Variants in JAGN1 observed in about 807,000 individuals in gnomAD.
JAGN1 encodes the protein protein jagunal homolog 1.
Under a neutral mutation model 17.1 loss-of-function variants are expected in JAGN1, and 13 were observed. That is an observed-to-expected ratio of 0.76 (90% CI 0.49 to 1.21). JAGN1 has a LOEUF of 1.21. JAGN1 is among the 50% of genes most tolerant of loss of function. The pLI, the probability that JAGN1 is intolerant of heterozygous loss-of-function variation, is 0.00. For synonymous variants in JAGN1, 111 were observed against 91.0 expected, an observed-to-expected ratio of 1.22 and a Z score of -1.25; for missense variants, 256 against 234.2, an observed-to-expected ratio of 1.09 and a Z score of -0.61.
chr3:9,892,611 A>G (rs1219925114), intron 1 of JAGN1, among the ~76,000 whole-genome samples: 1 of 152,102 alleles, frequency 6.6e-6, no homozygotes, highest in African/African-American at 2.4e-5. Context: ...CCTGCATGGG[A>G]TGCCCATCTT....
intron 1 of JAGN1, among the ~76,000 whole-genome samples, chr3:9,891,072 G>T (rs532305320): frequency 6.6e-6 from 1 of 152,238 alleles, no homozygotes; most frequent in African/African-American, 2.4e-5. Context: ...GTGGGCTCCC[G>T]AGTCACGTCG....
rs1297627583 is a variant in JAGN1, at chr3:9,893,004, T to C, written c.179T>C (p.Leu60Pro). ...LLVAKMSVGH[L>P]RLLSHDQVAM... ...GTTGCTAAGATGAGCGTGGGACACCTGAGGCTCTTGTCACATGATCAGGTG... is the reference window on the plus strand; with the variant it reads ...GTTGCTAAGATGAGCGTGGGACACCCGAGGCTCTTGTCACATGATCAGGTG... Residue 60 changes from leucine to proline, a missense_variant, in exon 2 of 2, where the codon CTG becomes CCG. Physicochemically the swap from Leu to Pro is moderately conservative, Grantham distance 98 (BLOSUM62 -3). Transcript: ENST00000647897. 6.2e-7 allele frequency: 1 copy of C among 1,614,050 alleles called. No homozygotes were observed. Among genetic ancestry groups the C allele is most frequent in the African/African-American group, 1.3e-5 (1 of 74,920 alleles).
chr3:9,890,649 G>A lies in JAGN1; in HGVS notation c.-74G>A, dbSNP rs892686204. ...GCGCGGCTGCGGGGGCGCAAATAGG[G>A]TCAGTGGGCCGCTTGGCGGTGTCGT... On this transcript the variant is annotated 5_prime_UTR_variant, in exon 1 of 2. Coordinates refer to ENST00000647897, the MANE Select transcript of JAGN1 (RefSeq NM_032492.4). 63 of 1,426,280 alleles carry A rather than the reference G, an allele frequency of 4.4e-5. No individual in the cohort carries two copies. The highest frequency in any genetic ancestry group is 5.2e-5 in the Non-Finnish European group (54 of 1,040,236). 88.4% of individuals were successfully genotyped at this position (1,426,280 alleles called of 1,614,324 possible). A position where few individuals can be genotyped will look rare whatever the true frequency, so the allele number is the denominator to read the frequency against.
Position 9,890,627 on chromosome 3 carries a change from C to A in JAGN1, c.-96C>A, listed in dbSNP as rs910659328. 1 of 1,163,884 alleles carries A rather than the reference C, an allele frequency of 8.6e-7. No homozygotes were observed. Among genetic ancestry groups the A allele is most frequent in the Non-Finnish European group, 1.2e-6 (1 of 819,058 alleles). The allele number at this position is 1,163,884 out of a possible 1,614,324, so 72.1% of individuals were successfully genotyped here. ...CGGAAGTTCTCTTCACGGAGCCGCG[C>A]GGCTGCGGGGGCGCAAATAGGGTCA... On this transcript the variant is annotated 5_prime_UTR_variant, in exon 1 of 2. Coordinates refer to ENST00000647897, the MANE Select transcript of JAGN1 (RefSeq NM_032492.4).
At chr3:9,891,533 C>G (rs1358175439) in intron 1 of JAGN1, among the ~76,000 whole-genome samples, 3 of 151,076 alleles carry the variant, frequency 2.0e-5, no homozygotes, top group African/African-American at 7.3e-5. Context: ...AGCTTGAAGT[C>G]TAGAGATGAC....
chr3:9,892,140 C>T (rs368248966), intron 1 of JAGN1, among the ~76,000 whole-genome samples: 2 of 152,036 alleles, frequency 1.3e-5, no homozygotes, highest in East Asian at 1.9e-4. Flanking sequence ...CTCAGCCTCC[C>T]GAGTAGCTGG....
chr3:9,890,655 G>A lies in JAGN1; in HGVS notation c.-68G>A. 6.8e-7 allele frequency: 1 copy of A among 1,479,396 alleles called. No individual in the cohort carries two copies. The highest frequency in any genetic ancestry group is 9.2e-7 in the Non-Finnish European group (1 of 1,084,754). The allele number at this position is 1,479,396 out of a possible 1,614,324, so 91.6% of individuals were successfully genotyped here. ...CTGCGGGGGCGCAAATAGGGTCAGT[G>A]GGCCGCTTGGCGGTGTCGTTGCGGT... On this transcript the variant is annotated 5_prime_UTR_variant, in exon 1 of 2. Coordinates refer to ENST00000647897, the MANE Select transcript of JAGN1 (RefSeq NM_032492.4).
rs756989255 is a variant in JAGN1 at position 9,893,360 on chromosome 3, GAGA to G, written c.541_543del (p.Lys181del). The G allele has an allele frequency of 9.9e-6, 16 of 1,611,504 alleles. No individual in the cohort carries two copies. The highest frequency in any genetic ancestry group is 2.2e-5 in the South Asian group (2 of 90,854). On this transcript the variant is annotated inframe_deletion, in exon 2 of 2. Coordinates refer to ENST00000647897, the MANE Select transcript of JAGN1 (RefSeq NM_032492.4). ...AGACTCTTGGTTCACCAGCACACAGGAGAAGAAGCATAAATGAAGCCTCTTTGG... is the reference window on the plus strand; with the variant it reads ...AGACTCTTGGTTCACCAGCACACAGGAGAAGCATAAATGAAGCCTCTTTGG...
intron 1 of JAGN1, among the ~76,000 whole-genome samples, chr3:9,891,796 A>G (rs1001781236): frequency 1.3e-5 from 2 of 151,996 alleles, no homozygotes; most frequent in African/African-American, 4.8e-5. Context: ...GCCTTTAGGG[A>G]TATGAGGAGG....
In JAGN1 at chr3:9,893,492, C is replaced by G. The variant is rs375846033; in HGVS notation, c.*115C>G. The G allele has an allele frequency of 5.0e-5, 42 of 839,494 alleles. 1 individual carries two copies. In the African/African-American group the frequency reaches 6.5e-4, roughly 13 times the overall value. 52.0% of individuals were successfully genotyped at this position (839,494 alleles called of 1,614,324 possible). ...TGTGATGTTGGTACCTGGTGCAGACCAGGCCAAAGTTCTGGAAAGCTCCTT... is the reference window on the plus strand; with the variant it reads ...TGTGATGTTGGTACCTGGTGCAGACGAGGCCAAAGTTCTGGAAAGCTCCTT... On this transcript the variant is annotated 3_prime_UTR_variant, in exon 2 of 2. Transcript: ENST00000647897.
chr3:9,890,876 C>G (rs2082558019), intron 1 of JAGN1, 65 bp downstream of exon 1: 1 of 1,372,524 alleles, frequency 7.3e-7, no homozygotes, highest in African/African-American at 1.5e-5. Context: ...GCTTGGGGAG[C>G]GACGCCGGCC....
intron 1 of JAGN1, among the ~76,000 whole-genome samples, chr3:9,891,332 A>G (rs2082561388): frequency 6.6e-6 from 1 of 152,200 alleles, no homozygotes; most frequent in Non-Finnish European, 1.5e-5. Context: ...TGAATTTTAT[A>G]AACACTCCCA....
intron 1 of JAGN1, among the ~76,000 whole-genome samples, chr3:9,892,335 A>G (rs2082567914): frequency 8.6e-6 from 1 of 115,646 alleles, no homozygotes; most frequent in Admixed American, 9.0e-5. Flanking sequence ...TATTAGTAGT[A>G]TTGTTGTTGT....
Position 9,890,676 on chromosome 3 carries a change from G to GCGGT in JAGN1, c.-46_-43dup, listed in dbSNP as rs1275466162. 6.4e-7 allele frequency: 1 copy of GCGGT among 1,550,508 alleles called. No individual in the cohort carries two copies. Among genetic ancestry groups the GCGGT allele is most frequent in the South Asian group, 1.2e-5 (1 of 85,616 alleles). The stretch of plus-strand genomic sequence containing the variant: ...CAGTGGGCCGCTTGGCGGTGTCGTT[G>GCGGT]CGGTACCAGGTCCGCGTGAGGGGTT... On this transcript the variant is annotated 5_prime_UTR_variant, in exon 1 of 2. Transcript: ENST00000647897.
In JAGN1 at chr3:9,894,180, G is replaced by A. The variant is rs1471638502; in HGVS notation, c.*803G>A. 1 of 152,052 alleles carries A rather than the reference G, an allele frequency of 6.6e-6. No individual in the cohort carries two copies. The highest frequency in any genetic ancestry group is 1.5e-5 in the Non-Finnish European group (1 of 68,020). 9.4% of individuals were successfully genotyped at this position (152,052 alleles called of 1,614,324 possible). ...AGTTATGAGTCTACTACTGTATAAT[G>A]GCATCCAAAAGAATTTTAAAGTACC... On this transcript the variant is annotated 3_prime_UTR_variant, in exon 2 of 2. Coordinates refer to ENST00000647897, the MANE Select transcript of JAGN1 (RefSeq NM_032492.4).
rs1165507991 is a variant in JAGN1 at position 9,890,826 on chromosome 3, G to T, written c.89+15G>T. 2 of 1,573,872 alleles carry T rather than the reference G, an allele frequency of 1.3e-6. No homozygotes were observed. The highest frequency in any genetic ancestry group is 1.3e-5 in the African/African-American group (1 of 74,298). On this transcript the variant is annotated intron_variant, in intron 1 of 1. Transcript: ENST00000647897. ...TACCAGATGAGGTATGAAGTGAGGC[G>T]AGGAGCACGGAGGCTTTCTCCCCCG...
At position 9,892,341 on chromosome 3, in the gene JAGN1, G is replaced by GTTTTT. The variant is rs35855323; in HGVS notation, c.90-572_90-571insTTTTT. ...CTGCCTTTTTATTAGTAGTATTGTT[G>GTTTTT]TTGTTTTTTTTTTTTATGGAGATGG... On this transcript the variant is annotated intron_variant, in intron 1 of 1. Transcript: ENST00000647897. 1.4e-5 allele frequency among the ~76,000 whole-genome samples: 2 copies of GTTTTT among 145,720 alleles called. 1 individual carries two copies.
chr3:9,893,123 C>G lies in JAGN1; in HGVS notation c.298C>G (p.Leu100Val), dbSNP rs1360634545. The G allele has an allele frequency of 4.3e-6, 7 of 1,614,202 alleles. No homozygotes were observed. The highest frequency in any genetic ancestry group is 5.1e-6 in the Non-Finnish European group (6 of 1,180,028). The change falls in exon 2 of 2, where the codon CTG becomes GTG. Residue 100 changes from leucine to valine, a missense_variant. By Grantham distance (32) the Leu-to-Val change is conservative. Coordinates refer to ENST00000647897, the MANE Select transcript of JAGN1 (RefSeq NM_032492.4). ...CTTTCCCCGCAACAACATTAGCTAC[C>G]TGGTGCTCTCCATGATCAGCATGGG... ...LSFPRNNISY[L>V]VLSMISMGLF...
intron 1 of JAGN1, 27 bp downstream of exon 1, chr3:9,890,838 G>A: frequency 1.3e-6 from 2 of 1,559,560 alleles, no homozygotes; most frequent in Non-Finnish European, 1.7e-6. Flanking sequence ...GGAGCACGGA[G>A]GCTTTCTCCC....
Sources: allele counts gnomAD v4.1 joint callset (sites outside exome capture counted in the v4.1 genomes callset), GRCh38; gene constraint gnomAD v4.1.1; transcripts MANE v1.5; gene names NCBI Gene and HGNC (gene_info 2026-07-23, HGNC 2026-07-21).